Variants in CLTCL1 observed in about 807,000 individuals in gnomAD.
The protein encoded by CLTCL1 is clathrin heavy chain 2.
A neutral mutation model predicts 190.0 loss-of-function variants in CLTCL1; 159 were observed. The observed-to-expected ratio is 0.84, with a 90% CI of 0.74 to 0.95. The LOEUF (loss-of-function observed/expected upper bound fraction) is 0.95, where lower values mean the gene tolerates loss of function less well. Ranked by LOEUF, CLTCL1 falls within the 40% of genes least tolerant of loss-of-function variation. CLTCL1 has a pLI of 0.00. For missense variants in CLTCL1, 1,878 were observed against 2,033.4 expected (o/e 0.92, Z 1.47); for synonymous variants, 752 against 769.6 (o/e 0.98, Z 0.38).
At chr22:19,264,664 C>T (rs900230429) in intron 2 of CLTCL1, among the ~76,000 whole-genome samples, 2 of 152,104 alleles carry the variant, frequency 1.3e-5, no homozygotes, top group African/African-American at 2.4e-5. Flanking sequence ...TTTTAAACCA[C>T]AATTTGAGAA....
intron 30 of CLTCL1, chr22:19,182,575 C>G (rs540341642): frequency 6.6e-6 from 1 of 152,330 alleles, no homozygotes; most frequent in South Asian, 2.1e-4. Context: ...GCCCTCCAGG[C>G]TAAAGCTGGC....
intron 20 of CLTCL1, among the ~76,000 whole-genome samples, chr22:19,209,577 G>A (rs2085155563): frequency 6.6e-6 from 1 of 152,242 alleles, no homozygotes; most frequent in East Asian, 1.9e-4. Context: ...GGTGGTGGCA[G>A]TATCAGCTGC....
At chr22:19,287,744 T>C (rs2087958584) in intron 1 of CLTCL1, among the ~76,000 whole-genome samples, 1 of 151,904 alleles carries the variant, frequency 6.6e-6, no homozygotes, top group East Asian at 1.9e-4. Context: ...GACAACAGGA[T>C]GGGGAAAACA....
rs371115799 is a variant in CLTCL1, at chr22:19,233,557, A to G, written c.1233T>C (p.Ala411=). ...TTCCGAAGTACTGCAGCAATGGAGAAGCCTGGCCAGACTGAGCGGGTATAC... is the reference window on the plus strand; with the variant it reads ...TTCCGAAGTACTGCAGCAATGGAGAGGCCTGGCCAGACTGAGCGGGTATAC... ...FQSIPAQSGQ[A]SPLLQYFGIL... The change falls in exon 8 of 33, where the codon GCT becomes GCC. Residue 411 remains alanine (A), a synonymous_variant. Coordinates refer to ENST00000427926, the MANE Select transcript of CLTCL1 (RefSeq NM_007098.4). 38 of 1,613,902 alleles carry G rather than the reference A, an allele frequency of 2.4e-5. No homozygotes were observed. In the African/African-American group the frequency reaches 3.3e-4, roughly 14 times the overall value.
At chr22:19,285,229 T>C (rs1247157133) in intron 1 of CLTCL1, among the ~76,000 whole-genome samples, 2 of 149,502 alleles carry the variant, frequency 1.3e-5, no homozygotes, top group African/African-American at 2.5e-5. Context: ...GAGCCGAGAT[T>C]GTGCCACTGC....
In CLTCL1 at chr22:19,217,570, C is replaced by T. The variant is rs113177312; in HGVS notation, c.2920-1314G>A. Reference sequence around the variant, plus strand: ...GGCGGAGCTTGCAGTGAGCCGAGATCGCGCCACTGTACTCCAGCCTGAGTG... The same window carrying T: ...GGCGGAGCTTGCAGTGAGCCGAGATTGCGCCACTGTACTCCAGCCTGAGTG... On this transcript the variant is annotated intron_variant, in intron 18 of 32. Coordinates refer to ENST00000427926, the MANE Select transcript of CLTCL1 (RefSeq NM_007098.4). 2.2e-3 allele frequency among the ~76,000 whole-genome samples: 310 copies of T among 137,976 alleles called. 1 individual carries two copies. Among genetic ancestry groups the T allele is most frequent in the African/African-American group, 7.8e-3 (294 of 37,710 alleles). 90.5% of individuals were successfully genotyped at this position (137,976 alleles called of 152,430 possible). A position where few individuals can be genotyped will look rare whatever the true frequency, so the allele number is the denominator to read the frequency against.
chr22:19,229,829 G>A lies in CLTCL1; in HGVS notation c.1782+9C>T. 1.3e-6 allele frequency: 2 copies of A among 1,596,278 alleles called. No homozygotes were observed. The highest frequency in any genetic ancestry group is 1.4e-5 in the African/African-American group (1 of 73,790). ...TCTGCCTCTCGGTGTTAGCCTACAA[G>A]TCACTGACCTGGGGTGCATGAACAA... On this transcript the variant is annotated intron_variant, in intron 11 of 32. Transcript: ENST00000427926.
At chr22:19,289,669 T>A (rs879980991) in intron 1 of CLTCL1, among the ~76,000 whole-genome samples, 2 of 151,600 alleles carry the variant, frequency 1.3e-5, no homozygotes, top group Non-Finnish European at 2.9e-5. Flanking sequence ...GACAGAAGGA[T>A]GAAAATACAG....
intron 10 of CLTCL1, among the ~76,000 whole-genome samples, chr22:19,230,933 G>T (rs2145852865): frequency 6.6e-6 from 1 of 152,240 alleles, no homozygotes; most frequent in African/African-American, 2.4e-5. Context: ...AAAAAGGAAA[G>T]AATAGATTTC....
In CLTCL1 at chr22:19,208,273, T is replaced by C. The variant is rs2085113904; in HGVS notation, c.3481A>G (p.Arg1161Gly). The C allele has an allele frequency of 6.2e-7, 1 of 1,613,712 alleles. No homozygotes were observed. The highest frequency in any genetic ancestry group is 1.3e-5 in the African/African-American group (1 of 74,932). The change falls in exon 22 of 33, where the codon AGG becomes GGG. Residue 1161 changes from arginine to glycine, a missense_variant. Arg to Gly is a moderately radical substitution (Grantham distance 125). Coordinates refer to ENST00000427926, the MANE Select transcript of CLTCL1 (RefSeq NM_007098.4). ...ATATAGGACTCACGGCCCTTTTTCC[T>C]GGCCATCTGCAGAAATTTAACTAGA... is the stretch of plus-strand genomic sequence containing the variant. ...EDLVKFLQMA[R>G]KKGRESYIET...
chr22:19,277,964 C>G (rs1407723751), intron 1 of CLTCL1, among the ~76,000 whole-genome samples: 1 of 152,166 alleles, frequency 6.6e-6, no homozygotes, highest in East Asian at 1.9e-4. Context: ...CTGGGTTTGA[C>G]TAATTTGTTG....
intron 11 of CLTCL1, 89 bp from the exon 12 acceptor site, chr22:19,226,472 T>C: frequency 6.8e-7 from 1 of 1,467,412 alleles, no homozygotes; most frequent in Non-Finnish European, 9.4e-7. Context: ...GGGTAGGGTA[T>C]AGCCTGGCAA....
At chr22:19,275,492 A>G in intron 2 of CLTCL1, 131 bp downstream of exon 2, 1 of 989,904 alleles carries the variant, frequency 1.0e-6, no homozygotes, top group Non-Finnish European at 1.5e-6. Flanking sequence ...TTTTGCTAAA[A>G]CTTTTGGAAT....
At chr22:19,212,942 A>T (rs1397554756) in intron 19 of CLTCL1, among the ~76,000 whole-genome samples, 1 of 152,240 alleles carries the variant, frequency 6.6e-6, no homozygotes, top group Non-Finnish European at 1.5e-5. Flanking sequence ...TTGTTTTAAC[A>T]CCAAAGCACA....
intron 2 of CLTCL1, among the ~76,000 whole-genome samples, chr22:19,262,976 A>G (rs1555976285): frequency 6.6e-6 from 1 of 150,862 alleles, no homozygotes; most frequent in African/African-American, 2.4e-5. Flanking sequence ...AGTTGCAGAG[A>G]GTTGAGATAA....
At position 19,194,246 on chromosome 22, in the gene CLTCL1, G is replaced by A. The variant is rs958322791; in HGVS notation, c.4191+2020C>T. 9.2e-5 allele frequency among the ~76,000 whole-genome samples: 14 copies of A among 152,218 alleles called. No individual in the cohort carries two copies. The South Asian group carries it at 2.1e-3, about 23-fold the overall frequency. On this transcript the variant is annotated intron_variant, in intron 26 of 32. Transcript: ENST00000427926. ...ACCCGACCCAAGAAGTCCAGGTGGC[G>A]TCACCTCTCAAGATCACCTGAGGTC...
intron 3 of CLTCL1, among the ~76,000 whole-genome samples, chr22:19,250,597 A>G (rs2086564241): frequency 1.3e-5 from 2 of 151,852 alleles, no homozygotes. Flanking sequence ...TCTGTCACCC[A>G]GGCTGGAGTG....
At chr22:19,204,982 G>A (rs943189859) in intron 22 of CLTCL1, among the ~76,000 whole-genome samples, 3 of 152,122 alleles carry the variant, frequency 2.0e-5, no homozygotes, top group South Asian at 2.1e-4. Flanking sequence ...TGACTCAGGA[G>A]AACCCTGTTA....
intron 2 of CLTCL1, among the ~76,000 whole-genome samples, chr22:19,263,690 A>C (rs782014360): frequency 6.6e-6 from 1 of 152,198 alleles, no homozygotes; most frequent in Non-Finnish European, 1.5e-5. Context: ...AAGTGCTGGG[A>C]TTATAGGCGT....
Sources: gnomAD v4.1 joint callset for allele counts (sites outside exome capture counted in the v4.1 genomes callset) on GRCh38, gnomAD v4.1.1 for gene constraint, MANE v1.5 for transcripts, NCBI Gene and HGNC (gene_info 2026-07-23, HGNC 2026-07-21) for gene names.